Variants in DOCK8 observed in about 807,000 individuals in gnomAD.
The protein encoded by DOCK8 is dedicator of cytokinesis 8.
A neutral mutation model predicts 245.6 loss-of-function variants in DOCK8; 141 were observed. The ratio of observed to expected loss-of-function variants is 0.57; its 90% confidence interval spans 0.50 to 0.66. The LOEUF is 0.66. DOCK8 is among the 30% of genes least tolerant of loss of function. DOCK8 has a pLI of 0.00. For synonymous variants in DOCK8, 1,168 were observed against 970.2 expected (o/e 1.20, Z -3.79); for missense variants, 2,965 against 2,603.4 (o/e 1.14, Z -3.02).
At chr9:266,186 G>A (rs2048031242) in intron 1 of DOCK8, among the ~76,000 whole-genome samples, 1 of 152,122 alleles carries the variant, frequency 6.6e-6, no homozygotes, top group African/African-American at 2.4e-5. Flanking sequence ...TTCCTAGGCA[G>A]AATTAGTAAC....
intron 37 of DOCK8, among the ~76,000 whole-genome samples, chr9:433,356 G>A (rs2056785036): frequency 6.6e-6 from 1 of 152,184 alleles, no homozygotes; most frequent in Non-Finnish European, 1.5e-5. Context: ...TCTAGATCAA[G>A]CCATAGTCTC....
chr9:213,430 T>C (rs184825499), upstream of DOCK8: 1 of 152,210 alleles, frequency 6.6e-6, no homozygotes, highest in East Asian at 1.9e-4. Flanking sequence ...CATGTGTAAT[T>C]TTACATTTTT....
At chr9:290,607 G>C (rs988748423) in intron 4 of DOCK8, among the ~76,000 whole-genome samples, 23 of 152,144 alleles carry the variant, frequency 1.5e-4, no homozygotes, top group Non-Finnish European at 2.8e-4. Flanking sequence ...CCATGGACCT[G>C]GACAGCACTC....
At chr9:351,433 G>GA (rs967053023) in intron 14 of DOCK8, among the ~76,000 whole-genome samples, 17 of 152,208 alleles carry the variant, frequency 1.1e-4, no homozygotes, top group African/African-American at 4.1e-4. Flanking sequence ...ACCAAGGCTA[G>GA]AAGATAGTCT....
At chr9:271,317 G>T (rs929595702) in intron 1 of DOCK8, among the ~76,000 whole-genome samples, 3 of 152,144 alleles carry the variant, frequency 2.0e-5, no homozygotes, top group African/African-American at 4.8e-5. Context: ...CTGAATGGCT[G>T]GGGGAGAAGG....
chr9:423,711 G>C (rs1414476192), intron 33 of DOCK8, among the ~76,000 whole-genome samples: 1 of 152,112 alleles, frequency 6.6e-6, no homozygotes. Context: ...AAATTCCCTG[G>C]ACTGATTTAT....
chr9:268,815 G>T (rs2048092154), intron 1 of DOCK8, among the ~76,000 whole-genome samples: 1 of 152,152 alleles, frequency 6.6e-6, no homozygotes, highest in Non-Finnish European at 1.5e-5. Context: ...TTGCAGTGTT[G>T]GTTTGAGTCC....
In DOCK8 at chr9:464,281, A is replaced by G; in HGVS notation, c.*62A>G. On this transcript the variant is annotated 3_prime_UTR_variant, in exon 48 of 48. Coordinates refer to ENST00000432829, the MANE Select transcript of DOCK8 (RefSeq NM_203447.4). ...CAACCCTGGAGAAGGACTTGCTGGTACTTAAAAAATGGGACATTTGCCACC... is the reference window on the plus strand; with the variant it reads ...CAACCCTGGAGAAGGACTTGCTGGTGCTTAAAAAATGGGACATTTGCCACC... 1 of 1,465,144 alleles carries G rather than the reference A, an allele frequency of 6.8e-7. No homozygotes were observed. Among genetic ancestry groups the G allele is most frequent in the Non-Finnish European group, 9.6e-7 (1 of 1,044,184 alleles). The allele number at this position is 1,465,144 out of a possible 1,614,324, so 90.8% of individuals were successfully genotyped here.
At chr9:438,529 C>T (rs1422658428) in intron 39 of DOCK8, among the ~76,000 whole-genome samples, 1 of 152,144 alleles carries the variant, frequency 6.6e-6, no homozygotes, top group Non-Finnish European at 1.5e-5. Context: ...AGGCACTCAC[C>T]CTCAGGGTCG....
At chr9:231,827 A>G (rs1304751570) in intron 1 of DOCK8, among the ~76,000 whole-genome samples, 2 of 152,208 alleles carry the variant, frequency 1.3e-5, no homozygotes, top group Non-Finnish European at 2.9e-5. Context: ...CAAGATATAA[A>G]TCATGTCATC....
intron 5 of DOCK8, among the ~76,000 whole-genome samples, chr9:311,362 A>C (rs2050104744): frequency 6.7e-6 from 1 of 149,906 alleles, no homozygotes; most frequent in Non-Finnish European, 1.5e-5. Flanking sequence ...TTCCTACCTA[A>C]ACCTCCCAAG....
At chr9:215,179 T>TG in intron 1 of DOCK8, 150 bp downstream of exon 1, 1 of 1,510,248 alleles carries the variant, frequency 6.6e-7, no homozygotes, top group Non-Finnish European at 8.8e-7. Flanking sequence ...TTCCCGAGGC[T>TG]GCGGCGGTGG....
chr9:339,136 C>G, intron 13 of DOCK8, 37 bp downstream of exon 13: 2 of 1,543,928 alleles, frequency 1.3e-6, no homozygotes, highest in Non-Finnish European at 1.8e-6. Context: ...TTAGCTGTGC[C>G]AAAACTGCTT....
chr9:330,280 TG>T (rs1464167358), intron 9 of DOCK8, among the ~76,000 whole-genome samples: 3 of 152,184 alleles, frequency 2.0e-5, no homozygotes, highest in Non-Finnish European at 4.4e-5. Context: ...TTTCAAAAAT[TG>T]TTTAAAAATT....
chr9:216,537 C>CAAAAAACAAAAAAAAAAAA (rs2046756924), intron 1 of DOCK8, among the ~76,000 whole-genome samples: 1 of 88,922 alleles, frequency 1.1e-5, no homozygotes, highest in African/African-American at 4.5e-5. Flanking sequence ...AAAAAACAGA[C>CAAAAAACAAAAAAAAAAAA]AAAAAAAAAA....
chr9:291,695 TC>T (rs1466040969), intron 4 of DOCK8, among the ~76,000 whole-genome samples: 2 of 152,024 alleles, frequency 1.3e-5, no homozygotes, highest in Non-Finnish European at 2.9e-5. Context: ...ATGATTTTTT[TC>T]TTTGGAATTA....
At chr9:292,128 T>C (rs973781476) in intron 4 of DOCK8, among the ~76,000 whole-genome samples, 8 of 147,904 alleles carry the variant, frequency 5.4e-5, no homozygotes, top group Non-Finnish European at 8.9e-5. Context: ...CCCAGCACTT[T>C]GGGAGGCCAA....
intron 35 of DOCK8, 109 bp downstream of exon 35, chr9:428,605 C>T: frequency 1.4e-6 from 2 of 1,382,822 alleles, no homozygotes; most frequent in Non-Finnish European, 2.0e-6. Flanking sequence ...TATTAAGTGG[C>T]ATCACAGTAA....
At chr9:442,037 C>G in intron 42 of DOCK8, 28 bp downstream of exon 42, 1 of 1,612,928 alleles carries the variant, frequency 6.2e-7, no homozygotes, top group Non-Finnish European at 8.5e-7. Context: ...GTGCGCCTGA[C>G]CTGGTACACT....
Sources: gnomAD v4.1 joint callset for allele counts (sites outside exome capture counted in the v4.1 genomes callset) on GRCh38, gnomAD v4.1.1 for gene constraint, MANE v1.5 for transcripts, NCBI Gene and HGNC (gene_info 2026-07-23, HGNC 2026-07-21) for gene names.